The following ANKIB1 variants were observed in gnomAD, a reference collection of about 807,000 sequenced individuals.
ANKIB1 encodes ankyrin repeat and IBR domain-containing protein 1.
A neutral mutation model predicts 122.1 loss-of-function variants in ANKIB1; 43 were observed. That is an observed-to-expected ratio of 0.35 (90% confidence interval 0.28 to 0.45). The LOEUF (loss-of-function observed/expected upper bound fraction) is 0.45. ANKIB1 is among the 20% of genes least tolerant of loss of function. The probability of loss-of-function intolerance (pLI) is 1.00; values close to 1 mark genes in which losing one functional copy is unlikely to be tolerated. For synonymous variants in ANKIB1, 390 were observed against 442.0 expected, an observed-to-expected ratio of 0.88 and a Z score of 1.48; for missense variants, 992 against 1,329.5, an observed-to-expected ratio of 0.75 and a Z score of 3.95.
chr7:92,381,878 T>A (rs1253263458), intron 11 of ANKIB1, among the ~76,000 whole-genome samples: 1 of 152,098 alleles, frequency 6.6e-6, no homozygotes, highest in East Asian at 1.9e-4. Flanking sequence ...CAAGATCAAA[T>A]TCACACATAA....
At chr7:92,379,418 G>A (rs1804461500) in intron 11 of ANKIB1, among the ~76,000 whole-genome samples, 1 of 152,128 alleles carries the variant, frequency 6.6e-6, no homozygotes. Context: ...AAGTTATACG[G>A]CGGGATTAAG....
rs186233292 is a variant in ANKIB1, at chr7:92,366,757, C to T, written c.1486+4484C>T. On this transcript the variant is annotated intron_variant, in intron 10 of 19. Transcript: ENST00000265742. ...CTTGCCCTTAATTCACAAATTACCC[C>T]GATTTTACAGAGGGAGATACCAAGG... Among the ~76,000 whole-genome samples, 317 of 152,248 alleles carry T rather than the reference C, an allele frequency of 2.1e-3. 1 individual carries two copies. The highest frequency in any genetic ancestry group is 5.0e-3 in the Admixed American group (77 of 15,300).
At chr7:92,310,962 C>G (rs1431835055) in intron 3 of ANKIB1, among the ~76,000 whole-genome samples, 1 of 152,078 alleles carries the variant, frequency 6.6e-6, no homozygotes, top group Non-Finnish European at 1.5e-5. Flanking sequence ...GTATGAGTCT[C>G]TAGTTATTTT....
At chr7:92,394,126 A>G (rs887054074) in intron 17 of ANKIB1, among the ~76,000 whole-genome samples, 5 of 152,146 alleles carry the variant, frequency 3.3e-5, no homozygotes, top group Non-Finnish European at 7.4e-5. Context: ...ATCCTAGGCT[A>G]TGTTCTTTCT....
At chr7:92,334,988 G>C (rs1480455156) in intron 5 of ANKIB1, among the ~76,000 whole-genome samples, 1 of 151,742 alleles carries the variant, frequency 6.6e-6, no homozygotes, top group Non-Finnish European at 1.5e-5. Context: ...AATTAAAACT[G>C]TACATTTCTT....
intron 7 of ANKIB1, among the ~76,000 whole-genome samples, chr7:92,346,473 A>G (rs1803542041): frequency 6.6e-6 from 1 of 151,972 alleles, no homozygotes; most frequent in Non-Finnish European, 1.5e-5. Context: ...TTGGAGGGGG[A>G]AAAAAATACT....
At chr7:92,258,701 A>G (rs1801500329) in intron 1 of ANKIB1, among the ~76,000 whole-genome samples, 1 of 152,212 alleles carries the variant, frequency 6.6e-6, no homozygotes, top group African/African-American at 2.4e-5. Flanking sequence ...ACTTCAGCTC[A>G]TAAGAGAAGG....
intron 4 of ANKIB1, among the ~76,000 whole-genome samples, chr7:92,322,548 C>T (rs1014566486): frequency 5.9e-5 from 9 of 151,936 alleles, no homozygotes; most frequent in African/African-American, 1.7e-4. Context: ...ACTGTATCCC[C>T]GAGTGGTAAC....
chr7:92,366,208 A>G (rs2115619532), intron 10 of ANKIB1, among the ~76,000 whole-genome samples: 1 of 152,184 alleles, frequency 6.6e-6, no homozygotes, highest in South Asian at 2.1e-4. Flanking sequence ...ATATAAAGCA[A>G]GTATTTTTCT....
intron 1 of ANKIB1, among the ~76,000 whole-genome samples, chr7:92,272,101 A>C (rs1049441544): frequency 3.9e-5 from 6 of 152,204 alleles, no homozygotes; most frequent in African/African-American, 1.4e-4. Context: ...AGTGGTGGTG[A>C]TGGTTGCACA....
At chr7:92,361,256 TA>T (rs1246895434) in intron 9 of ANKIB1, among the ~76,000 whole-genome samples, 1 of 152,212 alleles carries the variant, frequency 6.6e-6, no homozygotes. Context: ...GAATATAAAA[TA>T]GAGTTACAAA....
intron 5 of ANKIB1, among the ~76,000 whole-genome samples, chr7:92,329,936 T>C (rs1803133387): frequency 6.6e-6 from 1 of 152,234 alleles, no homozygotes; most frequent in Admixed American, 6.5e-5. Flanking sequence ...TATTGTGTTC[T>C]TTTAAAATGG....
rs1294329854 is a variant in ANKIB1, at chr7:92,399,207, T to G, written c.*258T>G. The G allele has an allele frequency of 3.4e-6, 1 of 297,338 alleles. No homozygotes were observed. The highest frequency in any genetic ancestry group is 1.3e-4 in the South Asian group (1 of 7,548). The allele number at this position is 297,338 out of a possible 1,614,324, so 18.4% of individuals were successfully genotyped here. A position where few individuals can be genotyped will look rare whatever the true frequency, so the allele number is the denominator to read the frequency against. Reference sequence around the variant, plus strand: ...AGAGCAAGAGAAAGAGAAACAAAAATGAAATAAATAAGTTGTATTCCACAC... The same window carrying G: ...AGAGCAAGAGAAAGAGAAACAAAAAGGAAATAAATAAGTTGTATTCCACAC... On this transcript the variant is annotated 3_prime_UTR_variant, in exon 20 of 20. Coordinates refer to ENST00000265742, the MANE Select transcript of ANKIB1 (RefSeq NM_019004.2).
At chr7:92,295,235 A>G (rs1802329499) in intron 2 of ANKIB1, 69 bp downstream of exon 2, 5 of 1,188,390 alleles carry the variant, frequency 4.2e-6, no homozygotes, top group African/African-American at 3.1e-5. Context: ...AAGTGGTGAA[A>G]AAAAAGGAAC....
At chr7:92,265,115 C>G (rs1801644498) in intron 1 of ANKIB1, among the ~76,000 whole-genome samples, 2 of 152,266 alleles carry the variant, frequency 1.3e-5, no homozygotes, top group South Asian at 2.1e-4. Context: ...GTAGCTAGGA[C>G]TACATGTGTG....
At chr7:92,247,613 T>G (rs1422928054) in intron 1 of ANKIB1, among the ~76,000 whole-genome samples, 1 of 152,248 alleles carries the variant, frequency 6.6e-6, no homozygotes, top group Admixed American at 6.5e-5. Flanking sequence ...TGATTTGCTT[T>G]TCAAACTGCT....
At chr7:92,300,121 A>G (rs992791284) in intron 2 of ANKIB1, among the ~76,000 whole-genome samples, 1 of 152,122 alleles carries the variant, frequency 6.6e-6, no homozygotes, top group Non-Finnish European at 1.5e-5. Flanking sequence ...TAATTTTTAA[A>G]ATCGTATAAG....
intron 2 of ANKIB1, among the ~76,000 whole-genome samples, chr7:92,295,419 A>C (rs1585093363): frequency 6.6e-6 from 1 of 152,176 alleles, no homozygotes; most frequent in South Asian, 2.1e-4. Context: ...AATTAGTCCA[A>C]AGCTTTTAAT....
chr7:92,332,511 G>T (rs1257793843), intron 5 of ANKIB1, among the ~76,000 whole-genome samples: 2 of 152,068 alleles, frequency 1.3e-5, no homozygotes, highest in South Asian at 2.1e-4. Context: ...TTTTAAGAAG[G>T]ACTATGTTAG....
Sources: gnomAD v4.1 joint callset for allele counts (sites outside exome capture counted in the v4.1 genomes callset) on GRCh38, gnomAD v4.1.1 for gene constraint, MANE v1.5 for transcripts, NCBI Gene and HGNC (gene_info 2026-07-23, HGNC 2026-07-21) for gene names.